Variants in SCNN1B observed in about 807,000 individuals in gnomAD.
SCNN1B encodes the protein sodium channel epithelial 1 subunit beta.
Under a neutral mutation model 65.3 loss-of-function variants are expected in SCNN1B, and 46 were observed. The observed-to-expected ratio is 0.70, with a 90% confidence interval of 0.56 to 0.90. SCNN1B has a LOEUF of 0.90. Ranked by LOEUF, SCNN1B falls within the 40% of genes least tolerant of loss-of-function variation. SCNN1B has a pLI of 0.00. For synonymous variants in SCNN1B, 349 were observed against 330.6 expected, an observed-to-expected ratio of 1.06 and a Z score of -0.60; for missense variants, 751 against 830.5, an observed-to-expected ratio of 0.90 and a Z score of 1.18.
At chr16:23,338,783 T>A (rs776199858) in intron 1 of SCNN1B, among the ~76,000 whole-genome samples, 22 of 152,218 alleles carry the variant, frequency 1.4e-4, no homozygotes, top group Non-Finnish European at 2.5e-4. Context: ...TTCTGACTTT[T>A]CAAAGGATGA....
intron 1 of SCNN1B, among the ~76,000 whole-genome samples, chr16:23,336,171 T>C (rs945339355): frequency 1.2e-4 from 18 of 152,294 alleles, no homozygotes; most frequent in African/African-American, 3.8e-4. Context: ...TGACTGTGGG[T>C]AAGTCCCTCT....
chr16:23,286,428 A>G (rs958514386), intron 2 of SCNN1B, among the ~76,000 whole-genome samples: 1 of 152,360 alleles, frequency 6.6e-6, no homozygotes, highest in East Asian at 1.9e-4. Flanking sequence ...CGACTTCACA[A>G]TGGAAGGATC....
chr16:23,302,855 C>T (rs1317937023), intron 1 of SCNN1B, among the ~76,000 whole-genome samples: 21 of 152,172 alleles, frequency 1.4e-4, no homozygotes, highest in Admixed American at 1.4e-3. Context: ...GCTCACAGGG[C>T]ATCCCTGTGG....
At chr16:23,282,100 G>C (rs1399016324) in intron 1 of SCNN1B, among the ~76,000 whole-genome samples, 3 of 152,082 alleles carry the variant, frequency 2.0e-5, no homozygotes, top group Non-Finnish European at 4.4e-5. Context: ...ATGAAGGATG[G>C]AACACTGCCT....
At chr16:23,304,117 A>G in intron 1 of SCNN1B, 1 of 1,524,136 alleles carries the variant, frequency 6.6e-7, no homozygotes, top group Non-Finnish European at 8.8e-7. Context: ...TTTTTATTTC[A>G]GCATCTTCTA....
In SCNN1B at chr16:23,349,997, G is replaced by C. The variant is rs112317944; in HGVS notation, c.311+1087G>C. 4.6e-5 allele frequency among the ~76,000 whole-genome samples: 7 copies of C among 151,848 alleles called. 1 individual carries two copies. Among genetic ancestry groups the C allele is most frequent in the African/African-American group, 1.7e-4 (7 of 41,400 alleles). ...GGAGGCTGAGGCACGAGAATTGCTT[G>C]ACCCCGAGAGGCAGAGGTTATAGTG... On this transcript the variant is annotated intron_variant, in intron 2 of 12. Transcript: ENST00000343070.
chr16:23,329,031 C>T (rs1961753858), intron 1 of SCNN1B, among the ~76,000 whole-genome samples: 1 of 152,036 alleles, frequency 6.6e-6, no homozygotes. Context: ...AACTCCTGGG[C>T]TCAAGCGATC....
At chr16:23,303,114 T>C (rs1379819160) in intron 1 of SCNN1B, among the ~76,000 whole-genome samples, 1 of 152,108 alleles carries the variant, frequency 6.6e-6, no homozygotes, top group African/African-American at 2.4e-5. Flanking sequence ...AAGTGCTAAG[T>C]TGATGTCTGG....
chr16:23,320,835 C>T lies in SCNN1B; in HGVS notation c.-9+18398C>T, dbSNP rs1961572140. Among the ~76,000 whole-genome samples the T allele has an allele frequency of 2.0e-5, 3 of 152,178 alleles. No homozygotes were observed. The South Asian group carries it at 6.2e-4, about 32-fold the overall frequency. Reference sequence around the variant, plus strand: ...GCCACACCCCCACAGAGAGCTGTGGCTGCTGCAGCCTCAGGGACGGGGCAG... The same window carrying T: ...GCCACACCCCCACAGAGAGCTGTGGTTGCTGCAGCCTCAGGGACGGGGCAG... On this transcript the variant is annotated intron_variant, in intron 1 of 12. Transcript: ENST00000343070.
intron 1 of SCNN1B, among the ~76,000 whole-genome samples, chr16:23,321,703 G>T (rs1055324339): frequency 3.3e-5 from 5 of 152,132 alleles, no homozygotes; most frequent in Admixed American, 2.0e-4. Context: ...GGTACTCCGC[G>T]GACGGTGGCT....
chr16:23,378,871 G>T (rs993834626), intron 11 of SCNN1B, 104 bp downstream of exon 11: 1 of 1,098,500 alleles, frequency 9.1e-7, no homozygotes, highest in South Asian at 1.3e-5. Context: ...TTCTCACATG[G>T]GTCAGACCGA....
At chr16:23,297,953 T>C (rs1042303821), upstream of SCNN1B, among the ~76,000 whole-genome samples, 1 of 152,356 alleles carries the variant, frequency 6.6e-6, no homozygotes, top group South Asian at 2.1e-4. Flanking sequence ...TTGTCTTCTA[T>C]GCAAAGTATT....
intron 1 of SCNN1B, among the ~76,000 whole-genome samples, chr16:23,303,040 T>G (rs1358518001): frequency 6.6e-6 from 1 of 152,086 alleles, no homozygotes; most frequent in Admixed American, 6.6e-5. Context: ...GGGTTTCATT[T>G]GGGGTGATGT....
intron 2 of SCNN1B, among the ~76,000 whole-genome samples, chr16:23,291,565 TTTTA>T (rs1206432564): frequency 6.6e-6 from 1 of 151,812 alleles, no homozygotes; most frequent in African/African-American, 2.4e-5. Flanking sequence ...TCTGCATTTA[TTTTA>T]TTTATTTTTT....
intron 4 of SCNN1B, among the ~76,000 whole-genome samples, chr16:23,357,399 A>G (rs185220849): frequency 1.3e-5 from 2 of 152,382 alleles, no homozygotes; most frequent in African/African-American, 2.4e-5. Context: ...CCTGGCCAAC[A>G]TGGCGAAACC....
intron 1 of SCNN1B, among the ~76,000 whole-genome samples, chr16:23,319,324 G>A (rs1330233800): frequency 2.0e-5 from 3 of 152,198 alleles, no homozygotes; most frequent in Non-Finnish European, 4.4e-5. Flanking sequence ...GGGAGTACAG[G>A]TGTGAGCCAC....
At chr16:23,284,350 A>G (rs897654205) in intron 2 of SCNN1B, among the ~76,000 whole-genome samples, 1 of 152,172 alleles carries the variant, frequency 6.6e-6, no homozygotes, top group Non-Finnish European at 1.5e-5. Flanking sequence ...GATTGCAGTG[A>G]GCGGAGACAG....
At chr16:23,362,676 G>A (rs1447435090) in intron 4 of SCNN1B, among the ~76,000 whole-genome samples, 7 of 152,214 alleles carry the variant, frequency 4.6e-5, no homozygotes. Context: ...CAAGCAAATA[G>A]TTGGCACGCA....
chr16:23,335,135 A>G (rs1961909938), intron 1 of SCNN1B, among the ~76,000 whole-genome samples: 1 of 152,240 alleles, frequency 6.6e-6, no homozygotes, highest in Non-Finnish European at 1.5e-5. Context: ...AACAGTGCAG[A>G]GTACACAATG....
Sources: allele counts gnomAD v4.1 joint callset (sites outside exome capture counted in the v4.1 genomes callset), GRCh38; gene constraint gnomAD v4.1.1; transcripts MANE v1.5; gene names NCBI Gene and HGNC (gene_info 2026-07-23, HGNC 2026-07-21).